GDF6: variants seen among roughly 807,000 people sequenced by gnomAD.
GDF6 encodes the protein growth/differentiation factor 6.
A neutral mutation model predicts 32.4 loss-of-function variants in GDF6; 3 were observed. That is an observed-to-expected ratio of 0.09 (90% CI 0.04 to 0.24). The LOEUF (loss-of-function observed/expected upper bound fraction) is 0.24. Among genes scored for constraint, GDF6 ranks in the 10% least tolerant of loss-of-function variants. The pLI, the probability that GDF6 is intolerant of heterozygous loss-of-function variation, is 1.00. For missense variants in GDF6, 589 were observed against 637.9 expected, an observed-to-expected ratio of 0.92 and a Z score of 0.83; for synonymous variants, 296 against 295.3, an observed-to-expected ratio of 1.00 and a Z score of -0.03.
intron 1 of GDF6, among the ~76,000 whole-genome samples, chr8:96,154,455 C>A (rs188038818): frequency 6.6e-6 from 1 of 152,344 alleles, no homozygotes; most frequent in East Asian, 1.9e-4. Flanking sequence ...TATTTAATTC[C>A]TGTAAACAGG....
chr8:96,144,291 A>AGAGAGAGAGAGAGAGAGAGAG lies in GDF6; in HGVS notation c.*271_*272insCTCTCTCTCTCTCTCTCTCTC, dbSNP rs1554571161. 1.8e-5 allele frequency: 9 copies of AGAGAGAGAGAGAGAGAGAGAG among 487,934 alleles called. No homozygotes were observed. The highest frequency in any genetic ancestry group is 5.7e-4 in the Middle Eastern group (1 of 1,762). 30.2% of individuals were successfully genotyped at this position (487,934 alleles called of 1,614,324 possible). On this transcript the variant is annotated 3_prime_UTR_variant, in exon 2 of 2. Coordinates refer to ENST00000287020, the MANE Select transcript of GDF6 (RefSeq NM_001001557.4). This position sits in a 1 kb window ranked among gnomAD's most constrained non-coding sequence, Gnocchi z 5.1. ...GAGAGAGAGAGAGAGAGAGAGAGAG[A>AGAGAGAGAGAGAGAGAGAGAG]AAACAGAACAAAAGAAATCCTCCTT...
chr8:96,148,959 A>C (rs540654567), intron 1 of GDF6, among the ~76,000 whole-genome samples: 2 of 152,212 alleles, frequency 1.3e-5, no homozygotes, highest in Non-Finnish European at 2.9e-5. Context: ...GGAGGCATCC[A>C]ACCTGGGGAG....
intron 1 of GDF6, among the ~76,000 whole-genome samples, chr8:96,147,243 G>C (rs1321041337): frequency 6.6e-6 from 1 of 152,324 alleles, no homozygotes; most frequent in East Asian, 1.9e-4. Flanking sequence ...ACCTGAGATG[G>C]GGTGTGGGAA....
intron 1 of GDF6, among the ~76,000 whole-genome samples, chr8:96,157,653 A>AG (rs942860060): frequency 4.6e-5 from 7 of 152,008 alleles, no homozygotes; most frequent in Admixed American, 4.6e-4. Flanking sequence ...AGGGGACCCT[A>AG]GGGGGGTTGG....
At chr8:96,149,600 A>G (rs977923732) in intron 1 of GDF6, among the ~76,000 whole-genome samples, 5 of 152,200 alleles carry the variant, frequency 3.3e-5, no homozygotes, top group African/African-American at 9.7e-5. Flanking sequence ...AAGAGGGGAG[A>G]TGTTGGTCAA....
At chr8:96,159,768 C>G (rs1812728470) in intron 1 of GDF6, among the ~76,000 whole-genome samples, 1 of 152,234 alleles carries the variant, frequency 6.6e-6, no homozygotes. Flanking sequence ...GGCGCCAGGA[C>G]CAGGGGGCTG....
chr8:96,145,380 A>G lies in GDF6; in HGVS notation c.551T>C (p.Leu184Pro), dbSNP rs766573793. The part of the protein sequence containing the change: ...SAPWGPPAGP[L>P]HVQLFPCLSP... ...AAGGCAAGGGAAGAGCTGCACGTGG[A>G]GCGGCCCGGCTGGTGGCCCCCAGGG... Residue 184 changes from leucine to proline, a missense_variant, in exon 2 of 2, where the codon CTC becomes CCC. By Grantham distance (98) the Leu-to-Pro change is moderately conservative. This residue lies in a region of GDF6 where 436 missense variants were observed against 411.2 expected (regional missense o/e 1.06). Transcript: ENST00000287020. This position sits in a 1 kb window ranked among gnomAD's most constrained non-coding sequence, Gnocchi z 5.6. 1.8e-5 allele frequency: 28 copies of G among 1,570,114 alleles called. No homozygotes were observed. Among genetic ancestry groups the G allele is most frequent in the Non-Finnish European group, 2.1e-5 (24 of 1,165,402 alleles).
chr8:96,146,711 G>GAA (rs1554571547), intron 1 of GDF6, among the ~76,000 whole-genome samples: 1 of 138,030 alleles, frequency 7.2e-6, no homozygotes, highest in Non-Finnish European at 1.6e-5. Flanking sequence ...CACACACAGA[G>GAA]AGAGAGAGAG....
intron 1 of GDF6, among the ~76,000 whole-genome samples, chr8:96,157,902 A>C (rs1401800516): frequency 6.6e-6 from 1 of 152,054 alleles, no homozygotes; most frequent in Non-Finnish European, 1.5e-5. Context: ...AGTGAGAGGG[A>C]AAGTGAGGCT....
rs2466129 is a variant in GDF6 at position 96,160,175 on chromosome 8, A to G, written c.406+112T>C. The stretch of plus-strand genomic sequence containing the variant: ...GAAAAACAATTTAAGAAAAGTAAAA[A>G]GGAAGTGTCCAGAGCAGGAAGGGAA... On this transcript the variant is annotated intron_variant, in intron 1 of 1. Transcript: ENST00000287020. 0.43 allele frequency: 456,517 copies of G among 1,066,300 alleles called. 104,935 individuals carry two copies. Among genetic ancestry groups the G allele is most frequent in the Non-Finnish European group, 0.48 (327,498 of 684,074 alleles). The allele number at this position is 1,066,300 out of a possible 1,614,324, so 66.1% of individuals were successfully genotyped here.
chr8:96,153,096 G>A (rs980984484), intron 1 of GDF6, among the ~76,000 whole-genome samples: 4 of 152,332 alleles, frequency 2.6e-5, no homozygotes, highest in African/African-American at 9.6e-5. Context: ...TAACCCCAGG[G>A]TGCCTGTTTC....
intron 1 of GDF6, among the ~76,000 whole-genome samples, chr8:96,150,295 A>G (rs1812548019): frequency 6.6e-6 from 1 of 152,166 alleles, no homozygotes; most frequent in Admixed American, 6.5e-5. Context: ...CCTCCCAGCC[A>G]TGTTCTCCGG....
In GDF6 at chr8:96,146,707, C is replaced by CACACAGAGAGAGAGAGAGAGAG. The variant is rs367654279; in HGVS notation, c.407-1184_407-1183insCTCTCTCTCTCTCTCTCTGTGT. Among the ~76,000 whole-genome samples the CACACAGAGAGAGAGAGAGAGAG allele has an allele frequency of 8.7e-3, 1,211 of 139,924 alleles. 23 individuals carry two copies. The highest frequency in any genetic ancestry group is 0.033 in the African/African-American group (1,146 of 35,088). 91.8% of individuals were successfully genotyped at this position (139,924 alleles called of 152,430 possible). ...ACACACACACACACACACACACACACAGAGAGAGAGAGAGAGAGATAGAGA... is the reference window on the plus strand; with the variant it reads ...ACACACACACACACACACACACACACACACAGAGAGAGAGAGAGAGAGAGAGAGAGAGAGAGAGAGATAGAGA... On this transcript the variant is annotated intron_variant, in intron 1 of 1. Transcript: ENST00000287020.
rs1249597434 is a variant in GDF6 at position 96,142,987 on chromosome 8, C to G, written c.*1576G>C. On this transcript the variant is annotated 3_prime_UTR_variant, in exon 2 of 2. Transcript: ENST00000287020. ...TAGTCAAAGATGAGGAGGAAGCTAA[C>G]TCTTCAAAGGGCCTACTCATGGGCA... The G allele has an allele frequency of 6.6e-6, 1 of 152,204 alleles. No individual in the cohort carries two copies. 9.4% of individuals were successfully genotyped at this position (152,204 alleles called of 1,614,324 possible). A position where few individuals can be genotyped will look rare whatever the true frequency, so the allele number is the denominator to read the frequency against.
In GDF6 at chr8:96,145,574, G is replaced by A. The variant is rs200937042; in HGVS notation, c.407-50C>T. 10 of 1,595,826 alleles carry A rather than the reference G, an allele frequency of 6.3e-6. No individual in the cohort carries two copies. In the Admixed American group the frequency reaches 1.3e-4, roughly 21 times the overall value. On this transcript the variant is annotated intron_variant, in intron 1 of 1. Coordinates refer to ENST00000287020, the MANE Select transcript of GDF6 (RefSeq NM_001001557.4). This position sits in a 1 kb window ranked among gnomAD's most constrained non-coding sequence, Gnocchi z 5.6. ...TCAGTTTCACTTAAGGGGGAGATCAGCCCGGTGCTCTTCGGCCGCCCCGGG... is the reference window on the plus strand; with the variant it reads ...TCAGTTTCACTTAAGGGGGAGATCAACCCGGTGCTCTTCGGCCGCCCCGGG...
chr8:96,145,500 C>A lies in GDF6; in HGVS notation c.431G>T (p.Arg144Leu). ...GLDDLSHTPLRRQKYLFDVSM... is the reference protein window; with the variant it reads ...GLDDLSHTPLLRQKYLFDVSM... ...CACATCAAACAAATACTTCTGTCTC[C>A]GGAGAGGAGTGTGCGAGAGATCGTC... The change falls in exon 2 of 2, where the codon CGG becomes CTG. Residue 144 changes from arginine (R) to leucine (L), a missense_variant. Physicochemically the swap from Arg to Leu is moderately radical, Grantham distance 102. Transcript: ENST00000287020. The surrounding 1 kb of genome is among the most constrained non-coding windows in gnomAD (Gnocchi z 5.6). The A allele has an allele frequency of 6.3e-7, 1 of 1,597,916 alleles. No homozygotes were observed. The highest frequency in any genetic ancestry group is 1.1e-5 in the South Asian group (1 of 91,058).
In GDF6 at chr8:96,144,263, AGAG is replaced by A. The variant is rs1812422361; in HGVS notation, c.*297_*299del. 4.6e-6 allele frequency: 2 copies of A among 433,264 alleles called. No individual in the cohort carries two copies. The highest frequency in any genetic ancestry group is 8.5e-6 in the Non-Finnish European group (2 of 235,662). The allele number at this position is 433,264 out of a possible 1,614,324, so 26.8% of individuals were successfully genotyped here. A position where few individuals can be genotyped will look rare whatever the true frequency, so the allele number is the denominator to read the frequency against. ...CAGTAATAGAGAGAGAGAGAGAGAG[AGAG>A]AGAGAGAGAGAGAGAGAGAGAGAGA... On this transcript the variant is annotated 3_prime_UTR_variant, in exon 2 of 2. Coordinates refer to ENST00000287020, the MANE Select transcript of GDF6 (RefSeq NM_001001557.4). This position sits in a 1 kb window ranked among gnomAD's most constrained non-coding sequence, Gnocchi z 5.1.
At chr8:96,148,011 G>T (rs79724411) in intron 1 of GDF6, among the ~76,000 whole-genome samples, 1,744 of 152,300 alleles carry the variant, frequency 0.011, 32 homozygotes, top group East Asian at 0.073. Context: ...TAAAAAAAAT[G>T]TGTGGGCTAA....
chr8:96,146,925 T>C (rs2130211971), intron 1 of GDF6, among the ~76,000 whole-genome samples: 1 of 152,330 alleles, frequency 6.6e-6, no homozygotes, highest in South Asian at 2.1e-4. Flanking sequence ...TTTTGACACA[T>C]TTGTGCATGA....
Sources: gnomAD v4.1 joint callset for allele counts (sites outside exome capture counted in the v4.1 genomes callset) on GRCh38, gnomAD v4.1.1 for gene constraint, gnomAD v4.1.1 regional missense constraint, Gnocchi (gnomAD v3.1) non-coding constraint, MANE v1.5 for transcripts, NCBI Gene and HGNC (gene_info 2026-07-23, HGNC 2026-07-21) for gene names.